The following ZNF292 variants were observed in gnomAD, a reference collection of about 807,000 sequenced individuals.
The protein encoded by ZNF292 is 16 zinc-finger domain protein.
In ZNF292, 26 loss-of-function variants were observed where a neutral mutation model predicts 217.9. The ratio of observed to expected loss-of-function variants is 0.12; its 90% CI spans 0.09 to 0.17. The LOEUF (loss-of-function observed/expected upper bound fraction) is 0.17. Among genes scored for constraint, ZNF292 ranks in the 10% least tolerant of loss-of-function variants. ZNF292 has a pLI of 1.00. For missense variants in ZNF292, 2,904 were observed against 3,175.2 expected, an observed-to-expected ratio of 0.91 and a Z score of 2.05; for synonymous variants, 1,257 against 1,124.1, an observed-to-expected ratio of 1.12 and a Z score of -2.37.
intron 1 of ZNF292, among the ~76,000 whole-genome samples, chr6:87,166,998 A>G (rs1034505609): frequency 6.6e-6 from 1 of 152,072 alleles, no homozygotes; most frequent in African/African-American, 2.4e-5. Context: ...AATTAAGTAT[A>G]TTTTGCTGCC....
intron 1 of ZNF292, among the ~76,000 whole-genome samples, chr6:87,200,219 T>G (rs1772066038): frequency 6.6e-6 from 1 of 152,232 alleles, no homozygotes; most frequent in Non-Finnish European, 1.5e-5. Flanking sequence ...GAGCCATGTA[T>G]TTACCTTCAT....
chr6:87,176,992 C>G (rs1771320611), intron 1 of ZNF292, among the ~76,000 whole-genome samples: 4 of 152,068 alleles, frequency 2.6e-5, no homozygotes, highest in Admixed American at 2.6e-4. Context: ...GATGCACCGC[C>G]TCCCCCGGCC....
chr6:87,230,658 C>T (rs541755236), intron 4 of ZNF292, among the ~76,000 whole-genome samples: 16 of 151,500 alleles, frequency 1.1e-4, no homozygotes, highest in Non-Finnish European at 1.8e-4. Context: ...GGCATGAACC[C>T]GGGAGGCAGA....
intron 4 of ZNF292, among the ~76,000 whole-genome samples, chr6:87,229,576 G>A (rs1464396580): frequency 1.3e-5 from 2 of 152,082 alleles, no homozygotes; most frequent in African/African-American, 2.4e-5. Context: ...ACAGGCATGC[G>A]CCTCCACGCC....
intron 4 of ZNF292, 75 bp from the exon 5 acceptor site, chr6:87,233,250 A>G: frequency 1.9e-6 from 2 of 1,070,752 alleles, no homozygotes; most frequent in Non-Finnish European, 2.6e-6. Context: ...GTTTAAAAAT[A>G]TTTCTTATAA....
intron 5 of ZNF292, among the ~76,000 whole-genome samples, chr6:87,240,179 G>A (rs528865604): frequency 3.9e-5 from 6 of 152,216 alleles, no homozygotes; most frequent in African/African-American, 7.2e-5. Context: ...GCGAAACCCC[G>A]TCTCCACCAA....
rs765908353 is a variant in ZNF292, at chr6:87,257,914, A to G, written c.4285A>G (p.Thr1429Ala). Residue 1429 changes from threonine to alanine, a missense_variant, in exon 8 of 8, where the codon ACA (threonine) becomes GCA (alanine). By Grantham distance (58) the Thr-to-Ala change is moderately conservative. Transcript: ENST00000369577. ...TCTTCTTGCCAGCATGATTCTCTCCACAAATGCAGTAAATTTGCAGCAGCC... is the reference window on the plus strand; with the variant it reads ...TCTTCTTGCCAGCATGATTCTCTCCGCAAATGCAGTAAATTTGCAGCAGCC... ...PSLLASMILS[T>A]NAVNLQQPQQ... The G allele has an allele frequency of 3.1e-6, 5 of 1,613,944 alleles. No individual in the cohort carries two copies. The South Asian group carries it at 5.5e-5, about 18-fold the overall frequency.
chr6:87,209,264 T>C (rs1472238612), intron 1 of ZNF292, among the ~76,000 whole-genome samples: 10 of 152,198 alleles, frequency 6.6e-5, no homozygotes. Flanking sequence ...CAGTCTTACA[T>C]ATGCTTTCCA....
chr6:87,206,748 T>C (rs754836837), intron 1 of ZNF292, among the ~76,000 whole-genome samples: 1 of 152,234 alleles, frequency 6.6e-6, no homozygotes, highest in Non-Finnish European at 1.5e-5. Context: ...CACTTTGTCA[T>C]GCAAAATTGC....
At chr6:87,253,128 G>C (rs1480183205) in intron 7 of ZNF292, among the ~76,000 whole-genome samples, 3 of 150,178 alleles carry the variant, frequency 2.0e-5, no homozygotes, top group Non-Finnish European at 4.4e-5. Context: ...GCCTAGGCTG[G>C]TGTCAAACTC....
In ZNF292 at chr6:87,238,043, A is replaced by T. The variant is rs560360561; in HGVS notation, c.741+4516A>T. ...TAGTGGCAAATAAGAGAAATGAAGG[A>T]TCCCAAGTACACCATGAAAATTGTT... On this transcript the variant is annotated intron_variant, in intron 5 of 7. Transcript: ENST00000369577. Among the ~76,000 whole-genome samples the T allele has an allele frequency of 1.4e-4, 22 of 152,296 alleles. No homozygotes were observed. The South Asian group carries it at 4.6e-3, about 32-fold the overall frequency.
At chr6:87,172,543 A>G (rs116990465) in intron 1 of ZNF292, among the ~76,000 whole-genome samples, 3 of 152,292 alleles carry the variant, frequency 2.0e-5, no homozygotes, top group Non-Finnish European at 4.4e-5. Flanking sequence ...GTTAAACAAT[A>G]GAAGTACTAT....
Position 87,261,966 on chromosome 6 carries a change from CTT to C in ZNF292, c.*172_*173del, listed in dbSNP as rs985508955. On this transcript the variant is annotated 3_prime_UTR_variant, in exon 8 of 8. Coordinates refer to ENST00000369577, the MANE Select transcript of ZNF292 (RefSeq NM_015021.3). ...AAAACATGACATTTGTCATGTAAAA[CTT>C]TTTTTTATCCCTATGGGACTTGAGG... 7 of 503,550 alleles carry C rather than the reference CTT, an allele frequency of 1.4e-5. No individual in the cohort carries two copies. The highest frequency in any genetic ancestry group is 1.4e-4 in the African/African-American group (7 of 50,864). The allele number at this position is 503,550 out of a possible 1,614,324, so 31.2% of individuals were successfully genotyped here.
chr6:87,253,449 C>T (rs958015073), intron 7 of ZNF292, among the ~76,000 whole-genome samples: 1 of 151,808 alleles, frequency 6.6e-6, no homozygotes, highest in African/African-American at 2.4e-5. Context: ...AGGTTGGTCT[C>T]GAACTCCTGA....
rs1274294713 is a variant in ZNF292 at position 87,261,935 on chromosome 6, A to G, written c.*134A>G. The G allele has an allele frequency of 3.7e-6, 2 of 536,792 alleles. No homozygotes were observed. The highest frequency in any genetic ancestry group is 2.1e-5 in the African/African-American group (1 of 46,998). 33.3% of individuals were successfully genotyped at this position (536,792 alleles called of 1,614,324 possible). Reference sequence around the variant, plus strand: ...ATTAACCTGGCCAAAAACAAAAAAGAAAAAAAAAACATGACATTTGTCATG... The same window carrying G: ...ATTAACCTGGCCAAAAACAAAAAAGGAAAAAAAAACATGACATTTGTCATG... On this transcript the variant is annotated 3_prime_UTR_variant, in exon 8 of 8. Transcript: ENST00000369577.
In ZNF292 at chr6:87,159,495, C is replaced by CTT. The variant is rs772140637; in HGVS notation, c.168+3756_168+3757dup. On this transcript the variant is annotated intron_variant, in intron 1 of 7. Transcript: ENST00000369577. ...CTCCTGTCTCAGCTTTCTTTTCTTT[C>CTT]TTTTTTTTTTTTTTTTTTTTTAAAA... Among the ~76,000 whole-genome samples the CTT allele has an allele frequency of 4.1e-3, 512 of 124,408 alleles. 1 individual carries two copies. Among genetic ancestry groups the CTT allele is most frequent in the African/African-American group, 0.015 (486 of 31,666 alleles). 81.6% of individuals were successfully genotyped at this position (124,408 alleles called of 152,430 possible).
intron 6 of ZNF292, among the ~76,000 whole-genome samples, chr6:87,244,149 A>G (rs1457409125): frequency 6.6e-6 from 1 of 152,214 alleles, no homozygotes; most frequent in Non-Finnish European, 1.5e-5. Flanking sequence ...AGAAAATTTG[A>G]TTTATAAAAT....
chr6:87,257,718 G>A lies in ZNF292; in HGVS notation c.4089G>A (p.Arg1363=), dbSNP rs374854459. The part of the protein sequence containing the change: ...GKERKPKHNK[R]AKWPAIIRDG... ...AAAGAAAACCTAAGCACAACAAAAG[G>A]GCTAAATGGCCTGCAATTATCAGAG... Residue 1363 remains arginine, a synonymous_variant, in exon 8 of 8, where the codon AGG becomes AGA. Transcript: ENST00000369577. 5 of 1,613,284 alleles carry A rather than the reference G, an allele frequency of 3.1e-6. No homozygotes were observed. In the African/African-American group the frequency reaches 4.0e-5, roughly 13 times the overall value.
chr6:87,228,693 C>T (rs1258949312), intron 4 of ZNF292, among the ~76,000 whole-genome samples: 1 of 152,136 alleles, frequency 6.6e-6, no homozygotes, highest in Non-Finnish European at 1.5e-5. Context: ...ACTGTTCTTT[C>T]CCCATTGAGT....
Sources: allele counts gnomAD v4.1 joint callset (sites outside exome capture counted in the v4.1 genomes callset), GRCh38; gene constraint gnomAD v4.1.1; transcripts MANE v1.5; gene names NCBI Gene and HGNC (gene_info 2026-07-23, HGNC 2026-07-21).